Variants in CDKAL1 observed in about 807,000 individuals in gnomAD.
The protein encoded by CDKAL1 is threonylcarbamoyladenosine tRNA methylthiotransferase.
A neutral mutation model predicts 68.2 loss-of-function variants in CDKAL1; 32 were observed. The observed-to-expected ratio is 0.47, with a 90% CI of 0.35 to 0.63. CDKAL1 has a LOEUF of 0.63. CDKAL1 is among the 30% of genes least tolerant of loss of function. CDKAL1 has a pLI of 0.00. For synonymous variants in CDKAL1, 234 were observed against 244.3 expected (o/e 0.96, Z 0.39); for missense variants, 606 against 696.7 (o/e 0.87, Z 1.47).
intron 8 of CDKAL1, among the ~76,000 whole-genome samples, chr6:20,797,084 G>T (rs1266855078): frequency 6.6e-6 from 1 of 152,108 alleles, no homozygotes; most frequent in Non-Finnish European, 1.5e-5. Flanking sequence ...AAGATAATAA[G>T]AAGCAATCTG....
At chr6:20,662,496 G>C (rs984072358) in intron 5 of CDKAL1, among the ~76,000 whole-genome samples, 1 of 152,208 alleles carries the variant, frequency 6.6e-6, no homozygotes, top group East Asian at 1.9e-4. Context: ...GGTCCCTACT[G>C]TACCTTTGAT....
chr6:20,644,523 A>G (rs529755321), intron 4 of CDKAL1, among the ~76,000 whole-genome samples: 11 of 151,896 alleles, frequency 7.2e-5, no homozygotes, highest in East Asian at 3.9e-4. Context: ...TAAAAATACA[A>G]AAAAAAATTA....
chr6:20,783,262 G>A (rs1775512457), intron 8 of CDKAL1, among the ~76,000 whole-genome samples: 1 of 152,120 alleles, frequency 6.6e-6, no homozygotes, highest in African/African-American at 2.4e-5. Context: ...GTGTTTATGC[G>A]GGGCTTTTGG....
At chr6:20,926,370 A>G (rs1297864460) in intron 9 of CDKAL1, among the ~76,000 whole-genome samples, 2 of 152,140 alleles carry the variant, frequency 1.3e-5, no homozygotes, top group East Asian at 3.8e-4. Flanking sequence ...AAATCATTCT[A>G]ATATTACACT....
intron 4 of CDKAL1, among the ~76,000 whole-genome samples, chr6:20,577,341 T>A (rs890417573): frequency 6.6e-6 from 1 of 151,882 alleles, no homozygotes; most frequent in Non-Finnish European, 1.5e-5. Flanking sequence ...GGGGCGGGGG[T>A]TAGGTGGGAG....
intron 11 of CDKAL1, among the ~76,000 whole-genome samples, chr6:21,041,044 C>T (rs1341506670): frequency 2.0e-5 from 3 of 152,122 alleles, no homozygotes; most frequent in Non-Finnish European, 4.4e-5. Context: ...CATTGGGAAC[C>T]AGTTCCAAAG....
At chr6:20,894,467 T>C (rs944128551) in intron 9 of CDKAL1, among the ~76,000 whole-genome samples, 3 of 151,478 alleles carry the variant, frequency 2.0e-5, no homozygotes, top group Non-Finnish European at 2.9e-5. Context: ...GAGAAACTTA[T>C]TAATACTTCA....
At chr6:20,959,544 A>G (rs1764949924) in intron 10 of CDKAL1, among the ~76,000 whole-genome samples, 1 of 149,464 alleles carries the variant, frequency 6.7e-6, no homozygotes, top group African/African-American at 2.5e-5. Flanking sequence ...TATCTCCTCT[A>G]TATCTTTTTT....
At chr6:20,887,494 G>A (rs1002467274) in intron 9 of CDKAL1, among the ~76,000 whole-genome samples, 2 of 151,278 alleles carry the variant, frequency 1.3e-5, no homozygotes, top group Non-Finnish European at 1.5e-5. Context: ...TAAAAGGAAC[G>A]AACTACCAAT....
chr6:20,944,457 C>T (rs1764139221), intron 9 of CDKAL1, among the ~76,000 whole-genome samples: 1 of 152,230 alleles, frequency 6.6e-6, no homozygotes, highest in Non-Finnish European at 1.5e-5. Context: ...AGTGATTCTC[C>T]TGCCTCAGAC....
In CDKAL1 at chr6:20,721,725, G is replaced by GTTTT. The variant is rs145893325; in HGVS notation, c.372-17772_372-17769dup. Reference sequence around the variant, plus strand: ...CTTCTCTGCACCCTGACCAACTTCTGTTTTTTTTTTTTTTTTTTTTTTTTT... The same window carrying GTTTT: ...CTTCTCTGCACCCTGACCAACTTCTGTTTTTTTTTTTTTTTTTTTTTTTTTTTTT... On this transcript the variant is annotated intron_variant, in intron 5 of 15. Coordinates refer to ENST00000274695, the MANE Select transcript of CDKAL1 (RefSeq NM_017774.3). Among the ~76,000 whole-genome samples, 368 of 67,398 alleles carry GTTTT rather than the reference G, an allele frequency of 5.5e-3. 28 individuals are homozygous for GTTTT. Among genetic ancestry groups the GTTTT allele is most frequent in the African/African-American group, 0.014 (230 of 16,692 alleles). The allele number at this position is 67,398 out of a possible 152,430, so 44.2% of individuals were successfully genotyped here. A position where few individuals can be genotyped will look rare whatever the true frequency, so the allele number is the denominator to read the frequency against.
chr6:21,050,042 A>G (rs554082001), intron 11 of CDKAL1, among the ~76,000 whole-genome samples: 22 of 152,298 alleles, frequency 1.4e-4, no homozygotes, highest in Non-Finnish European at 2.4e-4. Flanking sequence ...TTTACTTTAA[A>G]AAGGTAAAAT....
chr6:20,672,227 C>A (rs1302889024), intron 5 of CDKAL1, among the ~76,000 whole-genome samples: 3 of 131,160 alleles, frequency 2.3e-5, no homozygotes, highest in Non-Finnish European at 5.0e-5. Flanking sequence ...TCCTTTCTTT[C>A]TTTTCTTTCT....
chr6:21,202,387 G>A (rs955989235), intron 15 of CDKAL1, among the ~76,000 whole-genome samples: 1 of 151,206 alleles, frequency 6.6e-6, no homozygotes. Flanking sequence ...ATTCATTTTT[G>A]CTGTTTATTA....
chr6:20,708,893 G>C (rs1771722784), intron 5 of CDKAL1, among the ~76,000 whole-genome samples: 1 of 151,992 alleles, frequency 6.6e-6, no homozygotes, highest in Non-Finnish European at 1.5e-5. Flanking sequence ...AGTTTACCAA[G>C]TCTTATTGTT....
At chr6:20,936,379 T>C (rs921286021) in intron 9 of CDKAL1, among the ~76,000 whole-genome samples, 4 of 148,656 alleles carry the variant, frequency 2.7e-5, no homozygotes, top group Non-Finnish European at 3.0e-5. Flanking sequence ...GCCTCCCAAG[T>C]AGCTGGGACT....
intron 9 of CDKAL1, among the ~76,000 whole-genome samples, chr6:20,912,232 T>C (rs1388873805): frequency 6.6e-6 from 1 of 152,210 alleles, no homozygotes; most frequent in Non-Finnish European, 1.5e-5. Context: ...CCTCCTCAGC[T>C]TTCTTTTTAG....
At chr6:20,745,330 A>G (rs972570217) in intron 6 of CDKAL1, among the ~76,000 whole-genome samples, 7 of 152,222 alleles carry the variant, frequency 4.6e-5, no homozygotes, top group African/African-American at 1.7e-4. Flanking sequence ...AAGGTAAACA[A>G]ATTCACAAAG....
At chr6:21,044,170 C>G (rs114208209) in intron 11 of CDKAL1, among the ~76,000 whole-genome samples, 2,222 of 151,922 alleles carry the variant, frequency 0.015, 54 homozygotes, top group African/African-American at 0.051. Flanking sequence ...TTGATTTTAT[C>G]TTCTCTAAGG....
Sources: gnomAD v4.1 joint callset for allele counts (sites outside exome capture counted in the v4.1 genomes callset) on GRCh38, gnomAD v4.1.1 for gene constraint, MANE v1.5 for transcripts, NCBI Gene and HGNC (gene_info 2026-07-23, HGNC 2026-07-21) for gene names.